CARMIL1: variants seen among roughly 807,000 people sequenced by gnomAD.
CARMIL1 encodes the protein capping protein regulator and myosin 1 linker 1.
A neutral mutation model predicts 177.1 loss-of-function variants in CARMIL1; 90 were observed. The ratio of observed to expected loss-of-function variants is 0.51; its 90% CI spans 0.43 to 0.61. The LOEUF is 0.61. Among genes scored for constraint, CARMIL1 ranks in the 20% least tolerant of loss-of-function variants. The pLI is 0.00. For missense variants in CARMIL1, 1,380 were observed against 1,667.0 expected, an observed-to-expected ratio of 0.83 and a Z score of 3.00; for synonymous variants, 577 against 606.2, an observed-to-expected ratio of 0.95 and a Z score of 0.71.
intron 4 of CARMIL1, chr6:25,432,853 G>T (rs1357360091): frequency 6.6e-6 from 1 of 152,026 alleles, no homozygotes; most frequent in Non-Finnish European, 1.5e-5. Context: ...AAAAAAGGCG[G>T]TGGAGTGGGG....
At position 25,619,474 on chromosome 6, in the gene CARMIL1, C is replaced by G. The variant is rs1759561657; in HGVS notation, c.4007C>G (p.Ala1336Gly). The change falls in exon 37 of 37, where the codon GCC (alanine) becomes GGC (glycine). Residue 1336 changes from alanine (A) to glycine (G), a missense_variant. Ala to Gly is a moderately conservative substitution (Grantham distance 60). Coordinates refer to ENST00000329474, the MANE Select transcript of CARMIL1 (RefSeq NM_017640.6). ...TCAAGGAGAAGCTGGGGCCAGCAGG[C>G]CCAGGAGTATCAAGAACAAAAGCAA... Reference protein sequence around the residue: ...EVSRRSWGQQAQEYQEQKQRS... With the variant: ...EVSRRSWGQQGQEYQEQKQRS... 1 of 1,613,510 alleles carries G rather than the reference C, an allele frequency of 6.2e-7. No individual in the cohort carries two copies. The highest frequency in any genetic ancestry group is 8.5e-7 in the Non-Finnish European group (1 of 1,179,758).
chr6:25,515,954 G>A lies in CARMIL1; in HGVS notation c.1805+107G>A. 2 of 1,106,408 alleles carry A rather than the reference G, an allele frequency of 1.8e-6. No individual in the cohort carries two copies. The highest frequency in any genetic ancestry group is 1.6e-5 in the African/African-American group (1 of 63,356). The allele number at this position is 1,106,408 out of a possible 1,614,324, so 68.5% of individuals were successfully genotyped here. ...CGAGGGGACCTGGGCTTCCCATGAG[G>A]CCATCTTGAGGAGAAGAGGTGACAA... On this transcript the variant is annotated intron_variant, in intron 21 of 36. Coordinates refer to ENST00000329474, the MANE Select transcript of CARMIL1 (RefSeq NM_017640.6). This position sits in a 1 kb window ranked among gnomAD's most constrained non-coding sequence, Gnocchi z 5.0.
intron 2 of CARMIL1, among the ~76,000 whole-genome samples, chr6:25,414,453 G>C (rs976226602): frequency 1.3e-5 from 2 of 152,160 alleles, no homozygotes; most frequent in Non-Finnish European, 2.9e-5. Flanking sequence ...AAGTCACAGA[G>C]GATGTGTCCT....
chr6:25,373,075 A>AT (rs1364419189), intron 2 of CARMIL1, among the ~76,000 whole-genome samples: 1 of 152,224 alleles, frequency 6.6e-6, no homozygotes. Flanking sequence ...TTGTTAAATC[A>AT]TCCCTACATC....
At chr6:25,616,430 G>T (rs1816894748) in intron 36 of CARMIL1, among the ~76,000 whole-genome samples, 1 of 152,100 alleles carries the variant, frequency 6.6e-6, no homozygotes, top group Non-Finnish European at 1.5e-5. Flanking sequence ...AATTAGCTGG[G>T]TGTGGTGAGG....
intron 2 of CARMIL1, among the ~76,000 whole-genome samples, chr6:25,328,591 G>A (rs1166059566): frequency 5.9e-5 from 9 of 152,132 alleles, no homozygotes; most frequent in Admixed American, 4.6e-4. Context: ...GAGTTCAGAT[G>A]TCACATCTTC....
chr6:25,618,029 T>C (rs1759426451), intron 36 of CARMIL1, among the ~76,000 whole-genome samples: 2 of 152,200 alleles, frequency 1.3e-5, no homozygotes, highest in African/African-American at 4.8e-5. Context: ...CGTACTTTTA[T>C]TATCAGATTT....
chr6:25,500,864 A>G (rs1804245683), intron 17 of CARMIL1, among the ~76,000 whole-genome samples: 2 of 151,464 alleles, frequency 1.3e-5, no homozygotes, highest in East Asian at 3.9e-4. Flanking sequence ...GGTTCACGCC[A>G]TTCTCCTGCC....
chr6:25,496,400 C>T (rs931726818), intron 16 of CARMIL1, among the ~76,000 whole-genome samples: 13 of 151,488 alleles, frequency 8.6e-5, no homozygotes, highest in Admixed American at 3.9e-4. Context: ...ATCGCTTGAA[C>T]CCGGGAGGCG....
intron 31 of CARMIL1, among the ~76,000 whole-genome samples, chr6:25,593,668 G>T (rs1814540498): frequency 6.6e-6 from 1 of 152,180 alleles, no homozygotes; most frequent in Non-Finnish European, 1.5e-5. Context: ...CAACCAGCGT[G>T]CAGCCTTTTA....
rs995302475 is a variant in CARMIL1, at chr6:25,554,469, A to G, written c.2592+373A>G. Among the ~76,000 whole-genome samples the G allele has an allele frequency of 3.0e-4, 45 of 152,328 alleles. No individual in the cohort carries two copies. Among genetic ancestry groups the G allele is most frequent in the Non-Finnish European group, 4.9e-4 (33 of 68,026 alleles). On this transcript the variant is annotated intron_variant, in intron 28 of 36. Coordinates refer to ENST00000329474, the MANE Select transcript of CARMIL1 (RefSeq NM_017640.6). This position sits in a 1 kb window ranked among gnomAD's most constrained non-coding sequence, Gnocchi z 4.6. ...TTTGATAATGGACTATTCTAAAAACATGGGAGAAAATAAAAATATTTGAAT... is the reference window on the plus strand; with the variant it reads ...TTTGATAATGGACTATTCTAAAAACGTGGGAGAAAATAAAAATATTTGAAT...
At chr6:25,527,453 C>T (rs2151095102) in intron 23 of CARMIL1, among the ~76,000 whole-genome samples, 1 of 152,240 alleles carries the variant, frequency 6.6e-6, no homozygotes. Context: ...CAGCCACAGC[C>T]AGTGCTGCAG....
intron 8 of CARMIL1, among the ~76,000 whole-genome samples, chr6:25,460,402 C>G (rs1800021306): frequency 6.6e-6 from 1 of 152,126 alleles, no homozygotes; most frequent in African/African-American, 2.4e-5. Context: ...TTATTATATG[C>G]AAACTTGTTT....
intron 5 of CARMIL1, among the ~76,000 whole-genome samples, chr6:25,438,858 T>G (rs941888646): frequency 1.3e-5 from 2 of 152,000 alleles, no homozygotes; most frequent in African/African-American, 4.8e-5. Context: ...AAATCTTTTT[T>G]TTTTTTTGTC....
intron 9 of CARMIL1, among the ~76,000 whole-genome samples, chr6:25,468,341 T>C (rs1369571768): frequency 6.6e-6 from 1 of 152,208 alleles, no homozygotes; most frequent in Non-Finnish European, 1.5e-5. Flanking sequence ...GAGCATCTTT[T>C]TTTAGTCTTT....
At position 25,449,134 on chromosome 6, in the gene CARMIL1, G is replaced by A. The variant is rs549529659; in HGVS notation, c.372-764G>A. Among the ~76,000 whole-genome samples the A allele has an allele frequency of 7.9e-5, 12 of 152,118 alleles. No individual in the cohort carries two copies. In the East Asian group the frequency reaches 2.1e-3, roughly 27 times the overall value. ...CTTGAATTCCTGGGCTCAAGTAATC[G>A]CCTGCCTTGGCCTCCCAAAGTGCTG... On this transcript the variant is annotated intron_variant, in intron 5 of 36. Coordinates refer to ENST00000329474, the MANE Select transcript of CARMIL1 (RefSeq NM_017640.6).
chr6:25,583,965 TA>T (rs1813379094), intron 31 of CARMIL1, among the ~76,000 whole-genome samples: 1 of 151,804 alleles, frequency 6.6e-6, no homozygotes, highest in Non-Finnish European at 1.5e-5. Context: ...TTATCCTTGA[TA>T]AAACTGGTGA....
At chr6:25,524,595 G>T (rs1806906962) in intron 23 of CARMIL1, among the ~76,000 whole-genome samples, 1 of 152,128 alleles carries the variant, frequency 6.6e-6, no homozygotes, top group African/African-American at 2.4e-5. Flanking sequence ...TACAAAGCAT[G>T]TTAAAAAGCA....
At chr6:25,284,602 G>T (rs1206035295) in intron 1 of CARMIL1, among the ~76,000 whole-genome samples, 1 of 152,128 alleles carries the variant, frequency 6.6e-6, no homozygotes, top group African/African-American at 2.4e-5. Flanking sequence ...TCAGCTGTTC[G>T]GGAAGCTGAG....
Sources: allele counts gnomAD v4.1 joint callset (sites outside exome capture counted in the v4.1 genomes callset), GRCh38; gene constraint gnomAD v4.1.1; non-coding constraint Gnocchi (gnomAD v3.1); transcripts MANE v1.5; gene names NCBI Gene and HGNC (gene_info 2026-07-23, HGNC 2026-07-21).